Variants in CTC1 observed in about 807,000 individuals in gnomAD.
The protein encoded by CTC1 is CST complex subunit CTC1.
CTC1 carries 91 observed loss-of-function variants against 136.3 expected under a neutral mutation model. The ratio of observed to expected loss-of-function variants is 0.67; its 90% CI spans 0.56 to 0.79. The LOEUF is 0.79. Ranked by LOEUF, CTC1 falls within the 30% of genes least tolerant of loss-of-function variation. The pLI, the probability that CTC1 is intolerant of heterozygous loss-of-function variation, is 0.00. For synonymous variants in CTC1, 606 were observed against 613.8 expected (o/e 0.99, Z 0.19); for missense variants, 1,432 against 1,498.1 (o/e 0.96, Z 0.73).
chr17:8,240,999 A>ATATCAAGATATG (rs1407978432), intron 2 of CTC1, among the ~76,000 whole-genome samples: 86 of 151,466 alleles, frequency 5.7e-4, no homozygotes, highest in Middle Eastern at 3.4e-3. Flanking sequence ...ATATGCATAT[A>ATATCAAGATATG]CACTATGGGC....
chr17:8,239,272 A>C (rs1051227801), intron 2 of CTC1, among the ~76,000 whole-genome samples: 2 of 152,064 alleles, frequency 1.3e-5, no homozygotes, highest in African/African-American at 4.8e-5. Context: ...AACAAAGGCA[A>C]TTCTCTTGAA....
intron 5 of CTC1, among the ~76,000 whole-genome samples, 174 bp downstream of exon 5, chr17:8,237,201 C>T (rs1409741769): frequency 6.6e-6 from 1 of 152,114 alleles, no homozygotes; most frequent in African/African-American, 2.4e-5. Context: ...AGTCTACTCC[C>T]TAACTCTATG....
In CTC1 at chr17:8,234,929, T is replaced by C; in HGVS notation, c.1440-3A>G. 1 of 1,595,958 alleles carries C rather than the reference T, an allele frequency of 6.3e-7. No homozygotes were observed. Among genetic ancestry groups the C allele is most frequent in the Non-Finnish European group, 8.5e-7 (1 of 1,169,832 alleles). ...GTCTCAGCACATGGGGACACAGCCT[T>C]GGCCAGGAAAAGCAGCACAGTCACT... On this transcript the variant is annotated splice_region_variant and splice_polypyrimidine_tract_variant and intron_variant, in intron 8 of 22. Coordinates refer to ENST00000651323, the MANE Select transcript of CTC1 (RefSeq NM_025099.6).
chr17:8,242,914 G>A, intron 2 of CTC1, 71 bp downstream of exon 2: 2 of 1,414,740 alleles, frequency 1.4e-6, no homozygotes, highest in East Asian at 2.5e-5. Context: ...TCTAATTATA[G>A]AACCTTACTT....
chr17:8,233,331 C>T (rs1987408561), intron 10 of CTC1: 3 of 276,448 alleles, frequency 1.1e-5, no homozygotes, highest in African/African-American at 4.7e-5. Flanking sequence ...GGGAGGCACG[C>T]AAAGAATTTA....
chr17:8,232,371 G>C lies in CTC1; in HGVS notation c.2050C>G (p.Gln684Glu). ...ELSMPGFIQK[Q>E]QARVYVQFFL... Reference sequence around the variant, plus strand: ...CCCCAAGGAGCCAACCTGGCCTGCTGCTTCTGGATGAAGCCTGGCATGCTC... The same window carrying C: ...CCCCAAGGAGCCAACCTGGCCTGCTCCTTCTGGATGAAGCCTGGCATGCTC... Residue 684 changes from glutamine (Q) to glutamate (E), a missense_variant, in exon 12 of 23, where the codon CAG becomes GAG. Gln to Glu is a conservative substitution (Grantham distance 29, BLOSUM62 2). Transcript: ENST00000651323. 6.2e-7 allele frequency: 1 copy of C among 1,613,896 alleles called. No individual in the cohort carries two copies. The highest frequency in any genetic ancestry group is 8.5e-7 in the Non-Finnish European group (1 of 1,179,816).
At chr17:8,232,262 A>G (rs1157670841) in intron 12 of CTC1, 35 bp from the exon 13 acceptor site, 1 of 1,543,992 alleles carries the variant, frequency 6.5e-7, no homozygotes, top group African/African-American at 1.4e-5. Context: ...TTTCTTAGTG[A>G]TGCAGGCATT....
At chr17:8,237,908 T>A in intron 4 of CTC1, 123 bp downstream of exon 4, 1 of 765,740 alleles carries the variant, frequency 1.3e-6, no homozygotes, top group Non-Finnish European at 2.1e-6. Flanking sequence ...AGCCCACCAT[T>A]CCCTTGATTT....
Position 8,235,925 on chromosome 17 carries a change from C to G in CTC1, c.1112G>C (p.Gly371Ala). 3 of 1,612,760 alleles carry G rather than the reference C, an allele frequency of 1.9e-6. No homozygotes were observed. The highest frequency in any genetic ancestry group is 2.5e-6 in the Non-Finnish European group (3 of 1,178,934). The change falls in exon 7 of 23, where the codon GGC becomes GCC. Residue 371 changes from glycine (G) to alanine (A), a missense_variant. Coordinates refer to ENST00000651323, the MANE Select transcript of CTC1 (RefSeq NM_025099.6). ...CAGCTGCCCATCCAGCTCATAGAGG[C>G]CAGCGGGCTCATTCAACACGCCAGT... The part of the protein sequence containing the change: ...AVTGVLNEPA[G>A]LYELDGQLGL...
rs377709241 is a variant in CTC1 at position 8,238,759 on chromosome 17, T to C, written c.198-130A>G. ...AACATGGACTAAGAGGTGAGTTTGA[T>C]TGATTAAAGGGGTAAAACCTGGGGC... On this transcript the variant is annotated intron_variant, in intron 2 of 22. Coordinates refer to ENST00000651323, the MANE Select transcript of CTC1 (RefSeq NM_025099.6). 2.3e-4 allele frequency: 154 copies of C among 669,420 alleles called. 3 individuals are homozygous for C. The highest frequency in any genetic ancestry group is 1.9e-3 in the East Asian group (73 of 38,092). The allele number at this position is 669,420 out of a possible 1,614,324, so 41.5% of individuals were successfully genotyped here.
chr17:8,232,574 G>A, intron 11 of CTC1, 99 bp from the exon 12 acceptor site: 1 of 942,506 alleles, frequency 1.1e-6, no homozygotes, highest in South Asian at 1.5e-5. Flanking sequence ...TCCCAGGCCA[G>A]AGCTGCTGCC....
In CTC1 at chr17:8,226,493, A is replaced by G. The variant is rs1190734772; in HGVS notation, c.*1687T>C. 6.6e-6 allele frequency: 1 copy of G among 152,262 alleles called. No individual in the cohort carries two copies. The highest frequency in any genetic ancestry group is 6.5e-5 in the Admixed American group (1 of 15,286). The allele number at this position is 152,262 out of a possible 1,614,324, so 9.4% of individuals were successfully genotyped here. ...ATCATAGATTTCAAACCAAAATCAT[A>G]GACTCTAAATCAAATTCTCGATTCT... is the stretch of plus-strand genomic sequence containing the variant. On this transcript the variant is annotated 3_prime_UTR_variant, in exon 23 of 23. Transcript: ENST00000651323.
intron 5 of CTC1, 76 bp from the exon 6 acceptor site, chr17:8,236,418 C>T (rs1213966381): frequency 2.7e-6 from 4 of 1,474,376 alleles, no homozygotes; most frequent in African/African-American, 1.4e-5. Flanking sequence ...TTTTCCCTCA[C>T]GATTTGAACT....
intron 2 of CTC1, among the ~76,000 whole-genome samples, chr17:8,242,530 AGAG>A (rs1567619864): frequency 2.3e-4 from 5 of 21,692 alleles, no homozygotes; most frequent in Non-Finnish European, 3.3e-4. Context: ...GATAGTGTAG[AGAG>A]AAAAAAAAAA....
At chr17:8,240,366 G>C (rs952835221) in intron 2 of CTC1, among the ~76,000 whole-genome samples, 2 of 151,286 alleles carry the variant, frequency 1.3e-5, no homozygotes, top group African/African-American at 4.9e-5. Flanking sequence ...ATGCTGGCCA[G>C]GCTGGTCTCG....
chr17:8,229,083 G>A (rs1986982275), intron 20 of CTC1, 59 bp downstream of exon 20: 2 of 1,562,646 alleles, frequency 1.3e-6, no homozygotes, highest in African/African-American at 2.7e-5. Flanking sequence ...AGAAACTGCA[G>A]ATAGACAAAG....
At chr17:8,232,726 T>A in intron 11 of CTC1, 180 bp downstream of exon 11, 1 of 802,800 alleles carries the variant, frequency 1.2e-6, no homozygotes, top group Non-Finnish European at 2.0e-6. Flanking sequence ...CTGGAAATTC[T>A]GGCTAGGGGT....
intron 2 of CTC1, among the ~76,000 whole-genome samples, chr17:8,239,453 G>A (rs1475712870): frequency 1.3e-5 from 2 of 151,926 alleles, no homozygotes; most frequent in Non-Finnish European, 1.5e-5. Context: ...TACAAGTAAT[G>A]GTTAAATTAT....
Position 8,236,247 on chromosome 17 carries a change from C to A in CTC1, c.888G>T (p.Gln296His), listed in dbSNP as rs199553763. ...AGGACTGACTGGTCATCCAAACATGCTGGCGCTGACCACGGATCTTGGACA... is the reference window on the plus strand; with the variant it reads ...AGGACTGACTGGTCATCCAAACATGATGGCGCTGACCACGGATCTTGGACA... ...LRVSKIRGQRQHVWMTSQSSR... is the reference protein window; with the variant it reads ...LRVSKIRGQRHHVWMTSQSSR... Residue 296 changes from glutamine (Q) to histidine (H), a missense_variant, in exon 6 of 23, where the codon CAG becomes CAT. Transcript: ENST00000651323. 27 of 1,614,210 alleles carry A rather than the reference C, an allele frequency of 1.7e-5. No homozygotes were observed. In the East Asian group the frequency reaches 4.9e-4, roughly 29 times the overall value.
Sources: gnomAD v4.1 joint callset for allele counts (sites outside exome capture counted in the v4.1 genomes callset) on GRCh38, gnomAD v4.1.1 for gene constraint, MANE v1.5 for transcripts, NCBI Gene and HGNC (gene_info 2026-07-23, HGNC 2026-07-21) for gene names.